STK39: variants seen among roughly 807,000 people sequenced by gnomAD.
STK39 encodes STE20/SPS1-related proline-alanine-rich protein kinase.
STK39 carries 20 observed loss-of-function variants against 77.8 expected under a neutral mutation model. That is an observed-to-expected ratio of 0.26 (90% CI 0.18 to 0.37). The LOEUF is 0.37. Among genes scored for constraint, STK39 ranks in the 10% least tolerant of loss-of-function variants. The pLI, the probability that STK39 is intolerant of heterozygous loss-of-function variation, is 1.00. For missense variants in STK39, 479 were observed against 656.5 expected (o/e 0.73, Z 2.95); for synonymous variants, 246 against 234.1 (o/e 1.05, Z -0.47).
intron 1 of STK39, among the ~76,000 whole-genome samples, chr2:168,232,795 C>A (rs964245838): frequency 6.6e-6 from 1 of 151,960 alleles, no homozygotes; most frequent in African/African-American, 2.4e-5. Context: ...GCCTGTAATC[C>A]CAGCTACTCA....
rs1037253247 is a variant in STK39, at chr2:168,103,545, T to C, written c.1089+25996A>G. Among the ~76,000 whole-genome samples the C allele has an allele frequency of 5.3e-5, 8 of 152,120 alleles. 1 individual carries two copies. The highest frequency in any genetic ancestry group is 1.2e-4 in the Non-Finnish European group (8 of 68,010). Reference sequence around the variant, plus strand: ...AATTACACAAGCGTTCCAAAATAATTTGGGGAAAGAGAAAGATAGTTAGGG... The same window carrying C: ...AATTACACAAGCGTTCCAAAATAATCTGGGGAAAGAGAAAGATAGTTAGGG... On this transcript the variant is annotated intron_variant, in intron 10 of 17. Transcript: ENST00000355999.
At chr2:168,125,229 A>G (rs1310041696) in intron 10 of STK39, among the ~76,000 whole-genome samples, 2 of 152,126 alleles carry the variant, frequency 1.3e-5, no homozygotes, top group Non-Finnish European at 2.9e-5. Flanking sequence ...TCAAAAAAAA[A>G]AAGAAGATGC....
intron 14 of STK39, among the ~76,000 whole-genome samples, chr2:168,040,297 T>A (rs1461865912): frequency 6.6e-6 from 1 of 152,058 alleles, no homozygotes; most frequent in Non-Finnish European, 1.5e-5. Flanking sequence ...TCAACAAGGA[T>A]GCCAAAAAAA....
chr2:168,148,478 G>A (rs554379797), intron 5 of STK39, among the ~76,000 whole-genome samples: 36 of 152,276 alleles, frequency 2.4e-4, no homozygotes, highest in Admixed American at 1.6e-3. Flanking sequence ...TGGACGTTGC[G>A]CTTCTGGGCA....
At chr2:168,218,012 T>C (rs897658343) in intron 1 of STK39, among the ~76,000 whole-genome samples, 3 of 152,254 alleles carry the variant, frequency 2.0e-5, no homozygotes, top group Non-Finnish European at 2.9e-5. Flanking sequence ...TAAAAGTCTC[T>C]TTATTTTGAA....
intron 1 of STK39, among the ~76,000 whole-genome samples, chr2:168,223,180 T>C (rs1001488560): frequency 4.6e-5 from 7 of 152,024 alleles, no homozygotes; most frequent in Non-Finnish European, 1.0e-4. Context: ...AATTGCCAAG[T>C]GATGCTACTT....
chr2:168,123,572 G>A (rs1687462845), intron 10 of STK39, among the ~76,000 whole-genome samples: 1 of 151,980 alleles, frequency 6.6e-6, no homozygotes, highest in African/African-American at 2.4e-5. Context: ...TATTTCATAA[G>A]AAAAAGTAAA....
chr2:167,992,568 G>A (rs542935517), intron 16 of STK39, among the ~76,000 whole-genome samples: 1 of 152,228 alleles, frequency 6.6e-6, no homozygotes, highest in South Asian at 2.1e-4. Context: ...AGGCAAAGAG[G>A]CACTCAATTA....
At chr2:168,078,531 T>C (rs141102593) in intron 10 of STK39, among the ~76,000 whole-genome samples, 89 of 152,148 alleles carry the variant, frequency 5.8e-4, no homozygotes, top group African/African-American at 1.9e-3. Context: ...CCCATGCAAC[T>C]CAAAGAAGGC....
chr2:168,090,049 T>C (rs1296202978), intron 10 of STK39, among the ~76,000 whole-genome samples: 3 of 152,248 alleles, frequency 2.0e-5, no homozygotes, highest in African/African-American at 7.2e-5. Context: ...TGCTTTTCCA[T>C]TCCTCTCCGA....
chr2:168,007,936 T>C (rs1338748991), intron 16 of STK39, among the ~76,000 whole-genome samples: 1 of 152,118 alleles, frequency 6.6e-6, no homozygotes. Flanking sequence ...AAATGCACGA[T>C]TCAGTGGTTT....
In STK39 at chr2:168,177,578, C is replaced by T. The variant is rs542956512; in HGVS notation, c.321+4400G>A. ...GGGTTAGGGTAAATAGAAGGAAGGA[C>T]TGTTATATTTATGGAGTTCATTTTG... On this transcript the variant is annotated intron_variant, in intron 2 of 17. Coordinates refer to ENST00000355999, the MANE Select transcript of STK39 (RefSeq NM_013233.3). Among the ~76,000 whole-genome samples, 6 of 152,236 alleles carry T rather than the reference C, an allele frequency of 3.9e-5. No individual in the cohort carries two copies. The South Asian group carries it at 1.2e-3, about 32-fold the overall frequency.
intron 1 of STK39, among the ~76,000 whole-genome samples, chr2:168,227,927 G>C (rs1690348856): frequency 6.6e-6 from 1 of 152,140 alleles, no homozygotes; most frequent in African/African-American, 2.4e-5. Flanking sequence ...AAAGTGCTGG[G>C]ATTACAGGCG....
chr2:168,175,016 G>A (rs1688922136), intron 2 of STK39, among the ~76,000 whole-genome samples: 1 of 152,074 alleles, frequency 6.6e-6, no homozygotes, highest in Admixed American at 6.6e-5. Context: ...GGTATCGCCT[G>A]TGGCACCCTG....
At chr2:168,052,387 A>G (rs1685421622) in intron 14 of STK39, among the ~76,000 whole-genome samples, 1 of 152,228 alleles carries the variant, frequency 6.6e-6, no homozygotes, top group African/African-American at 2.4e-5. Flanking sequence ...AGGTACCTTA[A>G]AAAGTCCATT....
At chr2:168,195,503 G>C (rs1689446267) in intron 1 of STK39, among the ~76,000 whole-genome samples, 1 of 152,208 alleles carries the variant, frequency 6.6e-6, no homozygotes, top group South Asian at 2.1e-4. Flanking sequence ...CGGTGGCCAT[G>C]CTTTTCAGTT....
At position 167,954,372 on chromosome 2, in the gene STK39, T is replaced by C. The variant is rs201455120; in HGVS notation, c.*1124A>G. 1.3e-5 allele frequency: 2 copies of C among 152,618 alleles called. No individual in the cohort carries two copies. The highest frequency in any genetic ancestry group is 4.1e-4 in the South Asian group (2 of 4,828). 9.5% of individuals were successfully genotyped at this position (152,618 alleles called of 1,614,324 possible). ...AGAGGGCTACTTGGGTTGAAAGTAT[T>C]GATTCTTGAACCTTAACAGCGTTTT... is the stretch of plus-strand genomic sequence containing the variant. On this transcript the variant is annotated 3_prime_UTR_variant, in exon 18 of 18. Coordinates refer to ENST00000355999, the MANE Select transcript of STK39 (RefSeq NM_013233.3).
At chr2:167,996,974 C>T (rs1462408699) in intron 16 of STK39, among the ~76,000 whole-genome samples, 2 of 150,952 alleles carry the variant, frequency 1.3e-5, no homozygotes, top group Non-Finnish European at 2.9e-5. Flanking sequence ...ACTGGAAGCA[C>T]GCAGAAAACT....
chr2:168,134,642 T>C (rs1687786160), intron 8 of STK39, among the ~76,000 whole-genome samples: 1 of 152,188 alleles, frequency 6.6e-6, no homozygotes, highest in African/African-American at 2.4e-5. Context: ...AGCAACTCTC[T>C]GTCTACGTCA....
Sources: gnomAD v4.1 joint callset for allele counts (sites outside exome capture counted in the v4.1 genomes callset) on GRCh38, gnomAD v4.1.1 for gene constraint, MANE v1.5 for transcripts, NCBI Gene and HGNC (gene_info 2026-07-23, HGNC 2026-07-21) for gene names.